The following NARF variants were observed in gnomAD, a reference collection of about 807,000 sequenced individuals.
NARF encodes nuclear prelamin A recognition factor.
NARF carries 41 observed loss-of-function variants against 48.0 expected under a neutral mutation model. The ratio of observed to expected loss-of-function variants is 0.85; its 90% CI spans 0.66 to 1.11. NARF has a LOEUF of 1.11. NARF is among the 50% of genes least tolerant of loss of function. The probability of loss-of-function intolerance (pLI) is 0.00; values close to 1 mark genes in which losing one functional copy is unlikely to be tolerated. For missense variants in NARF, 613 were observed against 590.2 expected, an observed-to-expected ratio of 1.04 and a Z score of -0.40; for synonymous variants, 215 against 225.5, an observed-to-expected ratio of 0.95 and a Z score of 0.42.
In NARF at chr17:82,480,988, G is replaced by A. The variant is rs2043950864; in HGVS notation, c.640-94G>A. ...AGTGTCTGGAGGGCAGCAGCAGGGG[G>A]CATTCGGTCTCCCATCCCTCTTGTT... On this transcript the variant is annotated intron_variant, in intron 6 of 10. Transcript: ENST00000309794. The A allele has an allele frequency of 2.0e-6, 3 of 1,502,162 alleles. No individual in the cohort carries two copies. In the South Asian group the frequency reaches 3.4e-5, roughly 17 times the overall value. The allele number at this position is 1,502,162 out of a possible 1,614,324, so 93.1% of individuals were successfully genotyped here.
In NARF at chr17:82,483,831, CCCTGCCAGCCA is replaced by C. The variant is rs1207506170; in HGVS notation, c.833+61_833+71del. The C allele has an allele frequency of 5.1e-6, 8 of 1,558,058 alleles. No homozygotes were observed. In the East Asian group the frequency reaches 9.0e-5, roughly 17 times the overall value. Reference sequence around the variant, plus strand: ...TCTGGGGGGCAGGACCTCTCGTCAGCCCTGCCAGCCACCTGCCAGGCCCAGGGCTGCCCTGC... The same window carrying C: ...TCTGGGGGGCAGGACCTCTCGTCAGCCCTGCCAGGCCCAGGGCTGCCCTGC... On this transcript the variant is annotated intron_variant, in intron 8 of 10. Coordinates refer to ENST00000309794, the MANE Select transcript of NARF (RefSeq NM_012336.4).
intron 2 of NARF, among the ~76,000 whole-genome samples, chr17:82,461,542 C>T (rs1217331245): frequency 4.6e-5 from 7 of 152,046 alleles, no homozygotes; most frequent in South Asian, 4.1e-4. Flanking sequence ...ACCCGGGAGG[C>T]GGAGGTTGAG....
At chr17:82,472,496 AAAG>A (rs1470888841) in intron 4 of NARF, 65 bp from the exon 5 acceptor site, 12 of 1,498,088 alleles carry the variant, frequency 8.0e-6, no homozygotes, top group Non-Finnish European at 1.1e-5. Flanking sequence ...AAAAAAAAAA[AAAG>A]AGGAAGCCTA....
rs1417015836 is a variant in NARF, at chr17:82,488,809, C to G, written c.*652C>G. 1 of 152,828 alleles carries G rather than the reference C, an allele frequency of 6.5e-6. No homozygotes were observed. Among genetic ancestry groups the G allele is most frequent in the African/African-American group, 2.4e-5 (1 of 41,406 alleles). 9.5% of individuals were successfully genotyped at this position (152,828 alleles called of 1,614,324 possible). ...TTAAAAAGAAAAATCCAGAAAGTGT[C>G]CTGTGAAGAGCTAGGACCCCCAGAG... On this transcript the variant is annotated 3_prime_UTR_variant, in exon 11 of 11. Transcript: ENST00000309794.
intron 4 of NARF, among the ~76,000 whole-genome samples, 179 bp from the exon 5 acceptor site, chr17:82,472,383 CTG>C (rs1328471329): frequency 6.6e-6 from 1 of 151,494 alleles, no homozygotes; most frequent in Non-Finnish European, 1.5e-5. Context: ...ACTCGGGAGA[CTG>C]AGGTGGGAGG....
chr17:82,460,653 A>G (rs531488424), intron 2 of NARF: 6 of 152,132 alleles, frequency 3.9e-5, no homozygotes, highest in African/African-American at 9.7e-5. Flanking sequence ...AGTCCCAGCT[A>G]CTCGGGAGGC....
intron 8 of NARF, chr17:82,484,215 A>C: frequency 6.2e-6 from 1 of 162,050 alleles, no homozygotes; most frequent in Non-Finnish European, 1.3e-5. Flanking sequence ...GGGGGCGGTG[A>C]CCTCGATACC....
chr17:82,465,439 T>C (rs2043542446), intron 3 of NARF, among the ~76,000 whole-genome samples: 1 of 152,164 alleles, frequency 6.6e-6, no homozygotes, highest in African/African-American at 2.4e-5. Flanking sequence ...CAGTAGGTAG[T>C]GTGCTAGAGC....
chr17:82,483,548 TC>T (rs1280873689), intron 7 of NARF, among the ~76,000 whole-genome samples, 167 bp from the exon 8 acceptor site: 1 of 152,166 alleles, frequency 6.6e-6, no homozygotes, highest in Non-Finnish European at 1.5e-5. Context: ...TATTAGTGTT[TC>T]ATTTTATTGG....
At chr17:82,459,225 G>T in intron 1 of NARF, 1 of 1,010,680 alleles carries the variant, frequency 9.9e-7, no homozygotes, top group Non-Finnish European at 1.2e-6. Context: ...CGGTGCAGGG[G>T]CGGAAGCGGG....
intron 4 of NARF, 89 bp from the exon 5 acceptor site, chr17:82,472,475 C>T (rs2043732317): frequency 3.5e-6 from 5 of 1,418,756 alleles, no homozygotes; most frequent in Non-Finnish European, 3.8e-6. Context: ...CAGAACGAGA[C>T]TCCGTCTCAA....
chr17:82,486,190 G>A (rs2044091480), intron 10 of NARF, among the ~76,000 whole-genome samples: 1 of 152,170 alleles, frequency 6.6e-6, no homozygotes, highest in Admixed American at 6.5e-5. Flanking sequence ...GGGGGAGTGA[G>A]AGGATGAGAG....
At chr17:82,487,178 T>C (rs2044113846) in intron 10 of NARF, among the ~76,000 whole-genome samples, 1 of 152,040 alleles carries the variant, frequency 6.6e-6, no homozygotes, top group African/African-American at 2.4e-5. Flanking sequence ...GTGATGTAAA[T>C]GGGTAAGAAT....
At position 82,460,540 on chromosome 17, in the gene NARF, G is replaced by C. The variant is rs556303952; in HGVS notation, c.108+468G>C. On this transcript the variant is annotated intron_variant, in intron 2 of 10. Transcript: ENST00000309794. ...AGAACTTTGGGAGGCCGAGGCAGGC[G>C]GATCATGAGATCAGGAGATTGAGAC... 7 of 153,466 alleles carry C rather than the reference G, an allele frequency of 4.6e-5. No individual in the cohort carries two copies. The East Asian group carries it at 1.3e-3, about 29-fold the overall frequency. 9.5% of individuals were successfully genotyped at this position (153,466 alleles called of 1,614,324 possible).
chr17:82,481,125 G>C lies in NARF; in HGVS notation c.683G>C (p.Cys228Ser), dbSNP rs952667236. 2 of 1,614,050 alleles carry C rather than the reference G, an allele frequency of 1.2e-6. No individual in the cohort carries two copies. Among genetic ancestry groups the C allele is most frequent in the African/African-American group, 2.7e-5 (2 of 75,010 alleles). The change falls in exon 7 of 11, where the codon TGT becomes TCT. Residue 228 changes from cysteine (C) to serine (S), a missense_variant. Cys to Ser is a moderately radical substitution (Grantham distance 112). Coordinates refer to ENST00000309794, the MANE Select transcript of NARF (RefSeq NM_012336.4). The stretch of plus-strand genomic sequence containing the variant: ...ATTTTCCACGTCATTGTGGCCCCTT[G>C]TTATGACAAGAAGCTGGAGGCTCTT... ...EKIFHVIVAP[C>S]YDKKLEALQE...
intron 7 of NARF, chr17:82,481,886 A>C: frequency 5.9e-6 from 2 of 338,030 alleles, no homozygotes; most frequent in South Asian, 4.3e-5. Flanking sequence ...CCAAGTCTGC[A>C]CTTAAAACAC....
chr17:82,460,177 T>A, intron 2 of NARF, 105 bp downstream of exon 2: 1 of 974,918 alleles, frequency 1.0e-6, no homozygotes, highest in Non-Finnish European at 1.5e-6. Flanking sequence ...TAAAGAAGAC[T>A]GAAGTACGCG....
At chr17:82,470,599 A>G (rs2043676387) in intron 4 of NARF, among the ~76,000 whole-genome samples, 4 of 152,046 alleles carry the variant, frequency 2.6e-5, no homozygotes. Context: ...GGTTCACACC[A>G]TTCTCCTGCC....
intron 2 of NARF, chr17:82,460,610 A>G (rs552268980): frequency 6.6e-6 from 1 of 152,192 alleles, no homozygotes; most frequent in East Asian, 1.9e-4. Context: ...TAAAAATGCA[A>G]AAAATTAGCC....
Sources: gnomAD v4.1 joint callset for allele counts (sites outside exome capture counted in the v4.1 genomes callset) on GRCh38, gnomAD v4.1.1 for gene constraint, MANE v1.5 for transcripts, NCBI Gene and HGNC (gene_info 2026-07-23, HGNC 2026-07-21) for gene names.